The following BSN variants were observed in gnomAD, a reference collection of about 807,000 sequenced individuals.
The protein encoded by BSN is bassoon presynaptic cytomatrix protein.
BSN carries 57 observed loss-of-function variants against 264.8 expected under a neutral mutation model. The observed-to-expected ratio is 0.22, with a 90% CI of 0.17 to 0.27. The LOEUF is 0.27. Among genes scored for constraint, BSN ranks in the 10% least tolerant of loss-of-function variants. The pLI, the probability that BSN is intolerant of heterozygous loss-of-function variation, is 1.00. For missense variants in BSN, 4,615 were observed against 5,232.5 expected, an observed-to-expected ratio of 0.88 and a Z score of 3.64; for synonymous variants, 2,059 against 2,137.3, an observed-to-expected ratio of 0.96 and a Z score of 1.01.
intron 1 of BSN, among the ~76,000 whole-genome samples, chr3:49,555,258 G>A (rs2051656392): frequency 6.6e-6 from 1 of 152,238 alleles, no homozygotes; most frequent in South Asian, 2.1e-4. Context: ...TGTCAGGGAA[G>A]ATAAGTGTCA....
chr3:49,618,961 C>G (rs2052282361), intron 1 of BSN, among the ~76,000 whole-genome samples: 1 of 152,094 alleles, frequency 6.6e-6, no homozygotes, highest in African/African-American at 2.4e-5. Context: ...AATACCTATA[C>G]AACATGTATA....
intron 1 of BSN, among the ~76,000 whole-genome samples, chr3:49,559,346 C>T (rs1337302608): frequency 6.6e-6 from 1 of 152,136 alleles, no homozygotes; most frequent in African/African-American, 2.4e-5. Flanking sequence ...CCATCATCAA[C>T]TTATGGCCAA....
chr3:49,610,225 T>C (rs1418166862), intron 1 of BSN, among the ~76,000 whole-genome samples: 1 of 152,186 alleles, frequency 6.6e-6, no homozygotes, highest in African/African-American at 2.4e-5. Flanking sequence ...CTTTTGTATG[T>C]GATAGATGGA....
intron 3 of BSN, 41 bp downstream of exon 3, chr3:49,643,193 G>A (rs776601548): frequency 1.3e-6 from 2 of 1,567,302 alleles, no homozygotes; most frequent in Non-Finnish European, 1.7e-6. Context: ...ACCTTGATGA[G>A]AGGCCGGGCC....
At chr3:49,618,279 G>A (rs1358750626) in intron 1 of BSN, among the ~76,000 whole-genome samples, 1 of 152,070 alleles carries the variant, frequency 6.6e-6, no homozygotes, top group Admixed American at 6.5e-5. Context: ...TTGTGATTTC[G>A]CTTCCCATTT....
Position 49,625,386 on chromosome 3 carries a change from AACCACTTCT to A in BSN, c.633+4_633+12del. On this transcript the variant is annotated splice_donor_5th_base_variant and intron_variant, in intron 2 of 11. Coordinates refer to ENST00000296452, the MANE Select transcript of BSN (RefSeq NM_003458.4). The surrounding 1 kb of genome is among the most constrained non-coding windows in gnomAD (Gnocchi z 4.4). ...ACCCCAACCCTCATCTCACCCAGGT[AACCACTTCT>A]GCGCCGGCTCCCCACTCACCTGCTA... is the stretch of plus-strand genomic sequence containing the variant. The A allele has an allele frequency of 6.8e-7, 1 of 1,476,298 alleles. No homozygotes were observed. Among genetic ancestry groups the A allele is most frequent in the Non-Finnish European group, 9.0e-7 (1 of 1,112,836 alleles). 91.4% of individuals were successfully genotyped at this position (1,476,298 alleles called of 1,614,324 possible).
chr3:49,605,638 T>G (rs1205454168), intron 1 of BSN, among the ~76,000 whole-genome samples: 1 of 34,544 alleles, frequency 2.9e-5, no homozygotes, highest in African/African-American at 1.3e-4. Context: ...ATATATTACA[T>G]ATATGTAATA....
chr3:49,570,938 C>T (rs1477117446), intron 1 of BSN, among the ~76,000 whole-genome samples: 2 of 152,176 alleles, frequency 1.3e-5, no homozygotes, highest in African/African-American at 4.8e-5. Flanking sequence ...GGCTCCCAGG[C>T]CTGTGAAATG....
rs2052538431 is a variant in BSN at position 49,651,104 on chromosome 3, A to G, written c.1986+25A>G. 1 of 1,585,292 alleles carries G rather than the reference A, an allele frequency of 6.3e-7. No homozygotes were observed. Among genetic ancestry groups the G allele is most frequent in the Non-Finnish European group, 8.5e-7 (1 of 1,171,182 alleles). On this transcript the variant is annotated intron_variant, in intron 4 of 11. Transcript: ENST00000296452. The surrounding 1 kb of genome is among the most constrained non-coding windows in gnomAD (Gnocchi z 5.4). ...GGTCAGTCCCATTCACTTCCCAGAG[A>G]CCCTAGCTTTCAGACAGGACAGTCT...
intron 9 of BSN, 54 bp downstream of exon 9, chr3:49,664,608 G>C: frequency 6.4e-7 from 1 of 1,553,444 alleles, no homozygotes; most frequent in Non-Finnish European, 8.7e-7. Context: ...GTACAGGCTG[G>C]GTCTGTGAGA....
In BSN at chr3:49,671,430, A is replaced by G. The variant is rs2052759884; in HGVS notation, c.*3945A>G. The G allele has an allele frequency of 6.6e-6, 1 of 152,578 alleles. No homozygotes were observed. Among genetic ancestry groups the G allele is most frequent in the African/African-American group, 2.4e-5 (1 of 41,398 alleles). 9.5% of individuals were successfully genotyped at this position (152,578 alleles called of 1,614,324 possible). The stretch of plus-strand genomic sequence containing the variant: ...CCCGAGTCCTCCACATGACCTTGTG[A>G]ATTGTGTGCTGTCCTTCTGTGCTCT... On this transcript the variant is annotated 3_prime_UTR_variant, in exon 12 of 12. Coordinates refer to ENST00000296452, the MANE Select transcript of BSN (RefSeq NM_003458.4). This position sits in a 1 kb window ranked among gnomAD's most constrained non-coding sequence, Gnocchi z 4.1.
At chr3:49,565,611 C>T (rs1012087576) in intron 1 of BSN, among the ~76,000 whole-genome samples, 9 of 151,834 alleles carry the variant, frequency 5.9e-5, no homozygotes, top group African/African-American at 1.9e-4. Flanking sequence ...TGAGCTACCG[C>T]GCCCGGCCAG....
At position 49,661,899 on chromosome 3, in the gene BSN, G is replaced by C. The variant is rs2052660238; in HGVS notation, c.10054G>C (p.Ala3352Pro). ...TCCCTCCAAGAGCCTGGCTCCAGCT[G>C]CCATCTCCTCAAAGCGCAGCAAGCA... ...KHPSKSLAPA[A>P]ISSKRSKHRK... The change falls in exon 6 of 12, where the codon GCC (alanine) becomes CCC (proline). Residue 3352 changes from alanine (A) to proline (P), a missense_variant. Ala to Pro is a conservative substitution (Grantham distance 27). Transcript: ENST00000296452. The C allele has an allele frequency of 6.2e-7, 1 of 1,613,802 alleles. No homozygotes were observed.
At chr3:49,649,641 A>G (rs773618685) in intron 3 of BSN, among the ~76,000 whole-genome samples, 5 of 152,186 alleles carry the variant, frequency 3.3e-5, no homozygotes, top group Non-Finnish European at 5.9e-5. Flanking sequence ...GCTGGGAGAC[A>G]TGGACTTCGC....
chr3:49,640,861 C>G (rs2052457863), intron 2 of BSN: 2 of 152,294 alleles, frequency 1.3e-5, no homozygotes, highest in African/African-American at 4.8e-5. Context: ...GTTACCTCAT[C>G]TGAAATCTGT....
intron 1 of BSN, among the ~76,000 whole-genome samples, chr3:49,556,172 G>C (rs943376565): frequency 6.6e-6 from 1 of 152,212 alleles, no homozygotes; most frequent in Non-Finnish European, 1.5e-5. Context: ...CCAGGCTTTA[G>C]TGTTCTCCTT....
chr3:49,567,124 T>A lies in BSN; in HGVS notation c.224+12298T>A, dbSNP rs1358747641. On this transcript the variant is annotated intron_variant, in intron 1 of 11. Transcript: ENST00000296452. ...GATGCTCCTTTCAATGGATTGTTTT[T>A]AAATAATAATGTAGATATTTTTATT... Among the ~76,000 whole-genome samples, 7 of 152,300 alleles carry A rather than the reference T, an allele frequency of 4.6e-5. No homozygotes were observed. In the East Asian group the frequency reaches 1.3e-3, roughly 29 times the overall value.
Position 49,610,049 on chromosome 3 carries a change from G to A in BSN, c.225-14926G>A, listed in dbSNP as rs540806000. Among the ~76,000 whole-genome samples, 9 of 152,294 alleles carry A rather than the reference G, an allele frequency of 5.9e-5. No homozygotes were observed. The South Asian group carries it at 1.7e-3, about 28-fold the overall frequency. ...GAGGACTCTGTGGTCACTGTGTGTA[G>A]AGGAAAGCCAGATGGCCCACTTTTC... is the stretch of plus-strand genomic sequence containing the variant. On this transcript the variant is annotated intron_variant, in intron 1 of 11. Coordinates refer to ENST00000296452, the MANE Select transcript of BSN (RefSeq NM_003458.4).
intron 1 of BSN, among the ~76,000 whole-genome samples, chr3:49,613,339 A>C (rs1459130120): frequency 6.6e-6 from 1 of 150,446 alleles, no homozygotes; most frequent in South Asian, 2.1e-4. Context: ...AGAGAGAGAG[A>C]GAGAGAGAGA....
Sources: allele counts gnomAD v4.1 joint callset (sites outside exome capture counted in the v4.1 genomes callset), GRCh38; gene constraint gnomAD v4.1.1; non-coding constraint Gnocchi (gnomAD v3.1); transcripts MANE v1.5; gene names NCBI Gene and HGNC (gene_info 2026-07-23, HGNC 2026-07-21).